LUZP2: variants seen among roughly 807,000 people sequenced by gnomAD.
LUZP2 encodes leucine zipper protein 2.
LUZP2 carries 52 observed loss-of-function variants against 51.6 expected under a neutral mutation model. That is an observed-to-expected ratio of 1.01 (90% confidence interval 0.81 to 1.27). The LOEUF (loss-of-function observed/expected upper bound fraction) is 1.27. Ranked by LOEUF, LUZP2 falls within the 50% of genes most tolerant of loss-of-function variation. LUZP2 has a pLI of 0.00. For synonymous variants in LUZP2, 154 were observed against 137.3 expected (o/e 1.12, Z -0.85); for missense variants, 436 against 395.4 (o/e 1.10, Z -0.87).
chr11:24,852,622 T>C (rs1035635328), intron 5 of LUZP2, among the ~76,000 whole-genome samples: 2 of 152,194 alleles, frequency 1.3e-5, no homozygotes, highest in African/African-American at 4.8e-5. Flanking sequence ...CTATTAGGTC[T>C]TCTTGGTCCA....
At chr11:24,621,602 T>C (rs1175778997) in intron 1 of LUZP2, among the ~76,000 whole-genome samples, 1 of 152,196 alleles carries the variant, frequency 6.6e-6, no homozygotes, top group Non-Finnish European at 1.5e-5. Flanking sequence ...CCTGAGATTC[T>C]TACTTGTGAA....
At chr11:24,938,147 T>C (rs1471703843) in intron 7 of LUZP2, among the ~76,000 whole-genome samples, 1 of 152,140 alleles carries the variant, frequency 6.6e-6, no homozygotes, top group Non-Finnish European at 1.5e-5. Context: ...AAAACACAGG[T>C]TCTAAGTTTT....
chr11:24,975,231 T>A (rs1855853090), intron 7 of LUZP2, among the ~76,000 whole-genome samples: 1 of 152,048 alleles, frequency 6.6e-6, no homozygotes, highest in Non-Finnish European at 1.5e-5. Flanking sequence ...CAGAGAATGG[T>A]TTTTGATTTA....
intron 5 of LUZP2, among the ~76,000 whole-genome samples, chr11:24,776,570 A>G (rs1163996409): frequency 1.3e-5 from 2 of 152,108 alleles, no homozygotes; most frequent in Non-Finnish European, 2.9e-5. Context: ...TATCCTTCAA[A>G]TCATAGAATG....
intron 7 of LUZP2, among the ~76,000 whole-genome samples, chr11:24,932,861 T>C (rs1854495606): frequency 6.6e-6 from 1 of 152,162 alleles, no homozygotes; most frequent in Non-Finnish European, 1.5e-5. Context: ...TCAGAATTGT[T>C]ACAAAGTACA....
intron 1 of LUZP2, among the ~76,000 whole-genome samples, chr11:24,718,463 T>C (rs1217933842): frequency 6.6e-6 from 1 of 152,188 alleles, no homozygotes; most frequent in Non-Finnish European, 1.5e-5. Context: ...GAGTGCATCA[T>C]AACAGGTAAA....
intron 7 of LUZP2, among the ~76,000 whole-genome samples, chr11:24,926,565 ATATATATACGTGTATATATATGTGTG>A (rs1854275248): frequency 6.9e-6 from 1 of 145,166 alleles, no homozygotes; most frequent in African/African-American, 2.5e-5. Context: ...ATGTGTGTGT[ATATATATACGTGTATATATATGTGTG>A]TATATATATG....
chr11:24,847,027 T>C (rs1399573125), intron 5 of LUZP2, among the ~76,000 whole-genome samples: 1 of 151,828 alleles, frequency 6.6e-6, no homozygotes, highest in Non-Finnish European at 1.5e-5. Context: ...TACATACATG[T>C]ATACACACAT....
intron 1 of LUZP2, among the ~76,000 whole-genome samples, chr11:24,531,718 C>T (rs1156306086): frequency 1.3e-5 from 2 of 150,760 alleles, no homozygotes; most frequent in Non-Finnish European, 3.0e-5. Context: ...GTTTAACATA[C>T]CACAAATTCT....
chr11:24,649,186 G>A (rs879081896), intron 1 of LUZP2, among the ~76,000 whole-genome samples: 2 of 152,010 alleles, frequency 1.3e-5, no homozygotes, highest in Non-Finnish European at 2.9e-5. Context: ...TTGAGAAATA[G>A]TGGTGTTGGT....
At chr11:24,842,579 T>C (rs1851069584) in intron 5 of LUZP2, among the ~76,000 whole-genome samples, 1 of 151,982 alleles carries the variant, frequency 6.6e-6, no homozygotes, top group African/African-American at 2.4e-5. Context: ...CAAAATAAAA[T>C]TGATAGCCTG....
intron 7 of LUZP2, among the ~76,000 whole-genome samples, chr11:24,968,317 A>G (rs1855647700): frequency 6.6e-6 from 1 of 152,160 alleles, no homozygotes; most frequent in Admixed American, 6.6e-5. Context: ...TGTATCACAA[A>G]AGCAAGTAGA....
chr11:24,862,788 G>A (rs1354151492), intron 5 of LUZP2, among the ~76,000 whole-genome samples: 1 of 152,152 alleles, frequency 6.6e-6, no homozygotes, highest in Non-Finnish European at 1.5e-5. Context: ...CTGCCGAATG[G>A]AATAAACTAT....
At chr11:24,665,521 T>C (rs1856184109) in intron 1 of LUZP2, among the ~76,000 whole-genome samples, 1 of 152,154 alleles carries the variant, frequency 6.6e-6, no homozygotes, top group Non-Finnish European at 1.5e-5. Context: ...TTTGGCTATG[T>C]CCGCATCCAA....
intron 4 of LUZP2, among the ~76,000 whole-genome samples, chr11:24,758,056 G>A (rs1859839444): frequency 6.6e-6 from 1 of 152,004 alleles, no homozygotes; most frequent in African/African-American, 2.4e-5. Context: ...CGTTATGTGA[G>A]CATATGCATT....
chr11:24,692,737 T>C (rs563794832), intron 1 of LUZP2, among the ~76,000 whole-genome samples: 2 of 152,214 alleles, frequency 1.3e-5, no homozygotes, highest in Admixed American at 1.3e-4. Flanking sequence ...TCTTACACTA[T>C]ACATAATTAA....
At chr11:24,554,635 A>G (rs1262174527) in intron 1 of LUZP2, among the ~76,000 whole-genome samples, 2 of 151,608 alleles carry the variant, frequency 1.3e-5, no homozygotes, top group African/African-American at 4.8e-5. Flanking sequence ...GATTAATTAT[A>G]TGAAACCCCA....
intron 9 of LUZP2, among the ~76,000 whole-genome samples, chr11:25,033,076 C>T (rs112623778): frequency 2.0e-5 from 3 of 152,100 alleles, no homozygotes; most frequent in Admixed American, 6.6e-5. Context: ...AGAAACAAAA[C>T]GCCGGGAACA....
At chr11:24,874,668 A>G (rs1219901629) in intron 5 of LUZP2, among the ~76,000 whole-genome samples, 1 of 152,154 alleles carries the variant, frequency 6.6e-6, no homozygotes, top group Non-Finnish European at 1.5e-5. Context: ...CCTTGGAAAC[A>G]ACACAAGAGT....
Sources: gnomAD v4.1 joint callset for allele counts (sites outside exome capture counted in the v4.1 genomes callset) on GRCh38, gnomAD v4.1.1 for gene constraint, MANE v1.5 for transcripts, NCBI Gene and HGNC (gene_info 2026-07-23, HGNC 2026-07-21) for gene names.